CFAP54: variants seen among roughly 807,000 people sequenced by gnomAD.
The protein encoded by CFAP54 is cilia and flagella associated protein 54.
Under a neutral mutation model 370.4 loss-of-function variants are expected in CFAP54, and 290 were observed. The observed-to-expected ratio is 0.78, with a 90% CI of 0.71 to 0.86. CFAP54 has a LOEUF of 0.86. CFAP54 is among the 40% of genes least tolerant of loss of function. The probability of loss-of-function intolerance (pLI) is 0.00; values close to 1 mark genes in which losing one functional copy is unlikely to be tolerated. For missense variants in CFAP54, 3,399 were observed against 3,528.7 expected (o/e 0.96, Z 0.93); for synonymous variants, 1,206 against 1,236.5 (o/e 0.98, Z 0.52).
chr12:96,802,034 C>T (rs1958824780), intron 63 of CFAP54, among the ~76,000 whole-genome samples: 1 of 152,114 alleles, frequency 6.6e-6, no homozygotes, highest in African/African-American at 2.4e-5. Context: ...AAGGGTCCTG[C>T]CCTCCCTGAT....
In CFAP54 at chr12:96,564,705, G is replaced by A; in HGVS notation, c.2559G>A (p.Gln853=). The A allele has an allele frequency of 1.6e-6, 1 of 633,106 alleles. No individual in the cohort carries two copies. The highest frequency in any genetic ancestry group is 1.9e-5 in the South Asian group (1 of 52,772). 39.2% of individuals were successfully genotyped at this position (633,106 alleles called of 1,614,324 possible). A position where few individuals can be genotyped will look rare whatever the true frequency, so the allele number is the denominator to read the frequency against. The change falls in exon 19 of 68, where the codon CAG becomes CAA. Residue 853 remains glutamine (Q), a synonymous_variant. Coordinates refer to ENST00000524981, the MANE Select transcript of CFAP54 (RefSeq NM_001306084.2). The part of the protein sequence containing the change: ...NTLSKAIYLM[Q]KALLIFEKDA... ...TATCCAAAGCAATTTACTTAATGCA[G>A]AAAGCTCTTTTAATATTCGAGAAAG...
intron 39 of CFAP54, among the ~76,000 whole-genome samples, chr12:96,664,730 TATATA>T: frequency 1.6e-4 from 2 of 12,816 alleles, no homozygotes; most frequent in South Asian, 1.3e-3. Flanking sequence ...TATATCTATA[TATATA>T]TATCTATATA....
Position 96,612,055 on chromosome 12 carries a change from A to G in CFAP54, c.3640-9535A>G, listed in dbSNP as rs138275313. On this transcript the variant is annotated intron_variant, in intron 26 of 67. Coordinates refer to ENST00000524981, the MANE Select transcript of CFAP54 (RefSeq NM_001306084.2). ...GGGTTACAGAGAACGCCACAAAGATACTCCTCAAGAAGAGCAACTCCAAGA... is the reference window on the plus strand; with the variant it reads ...GGGTTACAGAGAACGCCACAAAGATGCTCCTCAAGAAGAGCAACTCCAAGA... Among the ~76,000 whole-genome samples, 512 of 152,264 alleles carry G rather than the reference A, an allele frequency of 3.4e-3. 1 individual carries two copies. The highest frequency in any genetic ancestry group is 0.01 in the Middle Eastern group (3 of 294).
chr12:96,720,080 C>T (rs1419005956), intron 49 of CFAP54, among the ~76,000 whole-genome samples: 3 of 152,150 alleles, frequency 2.0e-5, no homozygotes, highest in Non-Finnish European at 4.4e-5. Flanking sequence ...TCCATGTCTC[C>T]CCTAGGAGCA....
rs1957484980 is a variant in CFAP54, at chr12:96,700,906, G to A, written c.6474+813G>A. Among the ~76,000 whole-genome samples the A allele has an allele frequency of 2.6e-5, 4 of 152,166 alleles. No homozygotes were observed. The South Asian group carries it at 8.3e-4, about 32-fold the overall frequency. On this transcript the variant is annotated intron_variant, in intron 46 of 67. Transcript: ENST00000524981. ...CAGCTGGTTGGATTCAAATTTGGAG[G>A]ACCTAAAGCAACCTGGAGAATGAGC...
chr12:96,846,502 C>T (rs1393351694), intron 66 of CFAP54, among the ~76,000 whole-genome samples: 1 of 152,178 alleles, frequency 6.6e-6, no homozygotes, highest in Non-Finnish European at 1.5e-5. Flanking sequence ...GTTCTTTCTA[C>T]ACAGTAGGGT....
intron 6 of CFAP54, among the ~76,000 whole-genome samples, chr12:96,521,503 C>T (rs1955313854): frequency 7.7e-6 from 1 of 129,680 alleles, no homozygotes; most frequent in Non-Finnish European, 1.6e-5. Flanking sequence ...CAACTGAGGA[C>T]GTGTGTGTGT....
chr12:96,850,117 G>A (rs960604121), intron 66 of CFAP54, among the ~76,000 whole-genome samples: 17 of 151,456 alleles, frequency 1.1e-4, no homozygotes, highest in Non-Finnish European at 2.4e-4. Flanking sequence ...GGTGGCTCAC[G>A]CCTGTAATCC....
intron 39 of CFAP54, among the ~76,000 whole-genome samples, chr12:96,679,381 G>C (rs1311037231): frequency 6.7e-6 from 1 of 149,932 alleles, no homozygotes; most frequent in Non-Finnish European, 1.5e-5. Context: ...AGAATCAAAA[G>C]TTTTCCAAGC....
intron 65 of CFAP54, among the ~76,000 whole-genome samples, chr12:96,823,763 T>C (rs1385061377): frequency 6.6e-6 from 1 of 152,196 alleles, no homozygotes; most frequent in Non-Finnish European, 1.5e-5. Flanking sequence ...GAAAGGATTT[T>C]GTTCTGTAAG....
At chr12:96,527,481 T>C in intron 9 of CFAP54, 37 bp downstream of exon 9, 1 of 1,392,634 alleles carries the variant, frequency 7.2e-7, no homozygotes, top group Non-Finnish European at 9.5e-7. Context: ...TATGATAGAA[T>C]GATACACATG....
chr12:96,647,839 A>C, intron 33 of CFAP54, 36 bp from the exon 34 acceptor site: 1 of 1,464,362 alleles, frequency 6.8e-7, no homozygotes, highest in Admixed American at 2.8e-5. Flanking sequence ...AATTTTGCTT[A>C]TATTGTTTTT....
At chr12:96,572,006 T>C (rs1955923607) in intron 19 of CFAP54, among the ~76,000 whole-genome samples, 1 of 152,186 alleles carries the variant, frequency 6.6e-6, no homozygotes, top group Non-Finnish European at 1.5e-5. Context: ...AATTGGGCCA[T>C]GGGATCTGAG....
chr12:96,778,160 T>C (rs1054440811), intron 60 of CFAP54, among the ~76,000 whole-genome samples: 2 of 152,250 alleles, frequency 1.3e-5, no homozygotes, highest in Non-Finnish European at 1.5e-5. Context: ...TATTTTATTA[T>C]TGGAAAGTGC....
intron 45 of CFAP54, among the ~76,000 whole-genome samples, chr12:96,694,893 T>G (rs1592712422): frequency 6.6e-6 from 1 of 152,044 alleles, no homozygotes; most frequent in South Asian, 2.1e-4. Flanking sequence ...TGGTGGCAGG[T>G]GCCTGAAATC....
At chr12:96,586,369 TTATC>T (rs1459191442) in intron 22 of CFAP54, among the ~76,000 whole-genome samples, 1 of 152,084 alleles carries the variant, frequency 6.6e-6, no homozygotes, top group African/African-American at 2.4e-5. Flanking sequence ...AACAAGTAAA[TTATC>T]TAGTATTTCA....
chr12:96,801,218 G>A (rs1041028281), intron 63 of CFAP54, among the ~76,000 whole-genome samples: 5 of 152,056 alleles, frequency 3.3e-5, no homozygotes, highest in African/African-American at 1.2e-4. Context: ...TAATTCAGAG[G>A]GCTAATACTC....
chr12:96,535,420 T>C (rs1592837529), intron 11 of CFAP54, 95 bp from the exon 12 acceptor site: 1 of 690,220 alleles, frequency 1.4e-6, no homozygotes, highest in East Asian at 2.7e-5. Context: ...ATCATTTGTG[T>C]CATTTTTTTA....
intron 15 of CFAP54, among the ~76,000 whole-genome samples, chr12:96,551,048 C>T (rs1170489776): frequency 4.6e-5 from 7 of 151,996 alleles, no homozygotes; most frequent in South Asian, 2.1e-4. Flanking sequence ...GTGGGTGGAT[C>T]GCTTGAGCCC....
Sources: allele counts gnomAD v4.1 joint callset (sites outside exome capture counted in the v4.1 genomes callset), GRCh38; gene constraint gnomAD v4.1.1; transcripts MANE v1.5; gene names NCBI Gene and HGNC (gene_info 2026-07-23, HGNC 2026-07-21).